DERA: variants seen among roughly 807,000 people sequenced by gnomAD.
The protein encoded by DERA is 2-deoxy-D-ribose 5-phosphate aldolase.
In DERA, 15 loss-of-function variants were observed where a neutral mutation model predicts 41.1. The ratio of observed to expected loss-of-function variants is 0.37; its 90% CI spans 0.24 to 0.56. The LOEUF is 0.56. DERA is among the 20% of genes least tolerant of loss of function. The pLI, the probability that DERA is intolerant of heterozygous loss-of-function variation, is 0.81. For synonymous variants in DERA, 139 were observed against 137.4 expected, an observed-to-expected ratio of 1.01 and a Z score of -0.08; for missense variants, 396 against 403.4, an observed-to-expected ratio of 0.98 and a Z score of 0.16.
rs1948695136 is a variant in DERA at position 15,976,109 on chromosome 12, C to T, written c.509-6199C>T. On this transcript the variant is annotated intron_variant, in intron 5 of 8. Transcript: ENST00000428559. This position sits in a 1 kb window ranked among gnomAD's most constrained non-coding sequence, Gnocchi z 4.1. ...ATCTGTCTTAGAACTTACAACTTCACACTATAACCTCTATTACACTCCAGC... is the reference window on the plus strand; with the variant it reads ...ATCTGTCTTAGAACTTACAACTTCATACTATAACCTCTATTACACTCCAGC... 6.6e-6 allele frequency among the ~76,000 whole-genome samples: 1 copy of T among 152,158 alleles called. No homozygotes were observed. The highest frequency in any genetic ancestry group is 1.5e-5 in the Non-Finnish European group (1 of 68,028).
Position 15,982,147 on chromosome 12 carries a change from A to G in DERA, c.509-161A>G, listed in dbSNP as rs1565604322. Among the ~76,000 whole-genome samples the G allele has an allele frequency of 6.6e-6, 1 of 152,246 alleles. No individual in the cohort carries two copies. Among genetic ancestry groups the G allele is most frequent in the Non-Finnish European group, 1.5e-5 (1 of 68,050 alleles). ...TTCCTTGTAACAGGATGTGAACTGC[A>G]ACAGAATGCTCCAGGCAATGTTAAA... is the stretch of plus-strand genomic sequence containing the variant. On this transcript the variant is annotated intron_variant, in intron 5 of 8. Transcript: ENST00000428559. The surrounding 1 kb of genome is among the most constrained non-coding windows in gnomAD (Gnocchi z 4.0).
rs1948968769 is a variant in DERA at position 16,014,694 on chromosome 12, T to A, written c.638-17848T>A. Among the ~76,000 whole-genome samples the A allele has an allele frequency of 6.6e-6, 1 of 152,172 alleles. No homozygotes were observed. Among genetic ancestry groups the A allele is most frequent in the Non-Finnish European group, 1.5e-5 (1 of 68,022 alleles). ...CCACTGGGGCACTGCCTAGTGGAGC[T>A]GTGAGAAGAGGGCAACCGTCCTCCA... is the stretch of plus-strand genomic sequence containing the variant. On this transcript the variant is annotated intron_variant, in intron 6 of 8. Transcript: ENST00000428559. This position sits in a 1 kb window ranked among gnomAD's most constrained non-coding sequence, Gnocchi z 5.4.
rs1948742919 is a variant in DERA at position 15,983,023 on chromosome 12, C to T, written c.637+587C>T. 6.6e-6 allele frequency among the ~76,000 whole-genome samples: 1 copy of T among 152,116 alleles called. No homozygotes were observed. Among genetic ancestry groups the T allele is most frequent in the African/African-American group, 2.4e-5 (1 of 41,416 alleles). ...ACCTCACATAAATCAGTGAAGAAGC[C>T]TTGAGAGTTCTCTCTAGACCTCTTT... On this transcript the variant is annotated intron_variant, in intron 6 of 8. Coordinates refer to ENST00000428559, the MANE Select transcript of DERA (RefSeq NM_015954.4). The surrounding 1 kb of genome is among the most constrained non-coding windows in gnomAD (Gnocchi z 6.2).
chr12:15,937,459 A>G lies in DERA; in HGVS notation c.32-19477A>G, dbSNP rs116763798. On this transcript the variant is annotated intron_variant, in intron 1 of 8. Coordinates refer to ENST00000428559, the MANE Select transcript of DERA (RefSeq NM_015954.4). ...GATTATAGCCACATCCGCCAGTAGT[A>G]TAGTTCCAGTTTCCCGCTTTGACCT... is the stretch of plus-strand genomic sequence containing the variant. Among the ~76,000 whole-genome samples the G allele has an allele frequency of 3.0e-3, 454 of 152,328 alleles. 2 individuals carry two copies. The highest frequency in any genetic ancestry group is 0.01 in the African/African-American group (433 of 41,566).
chr12:15,938,697 G>C lies in DERA; in HGVS notation c.32-18239G>C, dbSNP rs1389091661. Among the ~76,000 whole-genome samples, 3 of 152,126 alleles carry C rather than the reference G, an allele frequency of 2.0e-5. No individual in the cohort carries two copies. The highest frequency in any genetic ancestry group is 4.8e-5 in the African/African-American group (2 of 41,434). On this transcript the variant is annotated intron_variant, in intron 1 of 8. Coordinates refer to ENST00000428559, the MANE Select transcript of DERA (RefSeq NM_015954.4). The surrounding 1 kb of genome is among the most constrained non-coding windows in gnomAD (Gnocchi z 4.1). ...TCAATTCACATTTTTTAATTGAAAT[G>C]TGTAAATATTTTACCAGAAATGTTT...
At position 15,911,365 on chromosome 12, in the gene DERA, C is replaced by G. The variant is rs1002273331; in HGVS notation, c.-19C>G. On this transcript the variant is annotated 5_prime_UTR_variant, in exon 1 of 9. Coordinates refer to ENST00000428559, the MANE Select transcript of DERA (RefSeq NM_015954.4). The surrounding 1 kb of genome is among the most constrained non-coding windows in gnomAD (Gnocchi z 4.5). ...GAGGCGGGCGCCTACCAGCCGGCAG[C>G]TCCGGAGCTGCCCGCGCCATGTCCG... is the stretch of plus-strand genomic sequence containing the variant. 3.0e-5 allele frequency: 43 copies of G among 1,418,402 alleles called. No individual in the cohort carries two copies. The highest frequency in any genetic ancestry group is 3.7e-5 in the Non-Finnish European group (41 of 1,098,436). 87.9% of individuals were successfully genotyped at this position (1,418,402 alleles called of 1,614,324 possible).
rs143874425 is a variant in DERA, at chr12:15,959,131, G to A, written c.278-698G>A. Among the ~76,000 whole-genome samples the A allele has an allele frequency of 1.6e-3, 243 of 152,140 alleles. 2 individuals carry two copies. Among genetic ancestry groups the A allele is most frequent in the Middle Eastern group, 0.014 (4 of 294 alleles). The stretch of plus-strand genomic sequence containing the variant: ...CCAAATAAACACGTTTAGGTTTGTA[G>A]GTAACATACAAACCTAAACAACTCT... On this transcript the variant is annotated intron_variant, in intron 3 of 8. Transcript: ENST00000428559. The surrounding 1 kb of genome is among the most constrained non-coding windows in gnomAD (Gnocchi z 4.5).
rs1173103540 is a variant in DERA, at chr12:15,984,823, T to C, written c.637+2387T>C. Among the ~76,000 whole-genome samples the C allele has an allele frequency of 6.6e-6, 1 of 152,252 alleles. No individual in the cohort carries two copies. The highest frequency in any genetic ancestry group is 1.5e-5 in the Non-Finnish European group (1 of 68,044). On this transcript the variant is annotated intron_variant, in intron 6 of 8. Transcript: ENST00000428559. The surrounding 1 kb of genome is among the most constrained non-coding windows in gnomAD (Gnocchi z 4.5). ...AAGAAGGTATATAATAGAATTGAAG[T>C]ATTCTTTGATGAACTTGAAATATTT...
In DERA at chr12:15,990,593, TCCTCCTTCCAC is replaced by T. The variant is rs1050393456; in HGVS notation, c.637+8163_637+8173del. 1.3e-4 allele frequency among the ~76,000 whole-genome samples: 20 copies of T among 152,126 alleles called. No homozygotes were observed. The highest frequency in any genetic ancestry group is 4.8e-4 in the African/African-American group (20 of 41,426). On this transcript the variant is annotated intron_variant, in intron 6 of 8. Transcript: ENST00000428559. The surrounding 1 kb of genome is among the most constrained non-coding windows in gnomAD (Gnocchi z 4.3). The stretch of plus-strand genomic sequence containing the variant: ...CATTTGTCGTTTTTTCTGATCCTCT[TCCTCCTTCCAC>T]CCTCCAAACTCCAAAAGACCCCAGT...
rs759200334 is a variant in DERA, at chr12:15,940,573, G to T, written c.32-16363G>T. 3.9e-4 allele frequency among the ~76,000 whole-genome samples: 59 copies of T among 152,108 alleles called. No homozygotes were observed. The highest frequency in any genetic ancestry group is 7.9e-4 in the Non-Finnish European group (54 of 68,022). ...TCACCATGTTAGCCAAGATGGTCTT[G>T]ATCTCCTGACCTCGTGATCTGCCCT... On this transcript the variant is annotated intron_variant, in intron 1 of 8. Transcript: ENST00000428559. The surrounding 1 kb of genome is among the most constrained non-coding windows in gnomAD (Gnocchi z 5.1).
chr12:15,911,388 C>T lies in DERA; in HGVS notation c.5C>T (p.Ser2Phe). The T allele has an allele frequency of 3.6e-6, 5 of 1,406,116 alleles. No homozygotes were observed. Among genetic ancestry groups the T allele is most frequent in the African/African-American group, 3.0e-5 (2 of 65,910 alleles). The allele number at this position is 1,406,116 out of a possible 1,614,324, so 87.1% of individuals were successfully genotyped here. A position where few individuals can be genotyped will look rare whatever the true frequency, so the allele number is the denominator to read the frequency against. Residue 2 changes from serine (S) to phenylalanine (F), a missense_variant, in exon 1 of 9, where the codon TCC (serine) becomes TTC (phenylalanine). Transcript: ENST00000428559. The surrounding 1 kb of genome is among the most constrained non-coding windows in gnomAD (Gnocchi z 4.5). ...AGCTCCGGAGCTGCCCGCGCCATGT[C>T]CGCGCACAATCGGGGCACCGAGCTC... M[S>F]AHNRGTELDL...
At chr12:15,977,505 T>C (rs1331640629) in intron 5 of DERA, among the ~76,000 whole-genome samples, 5 of 152,222 alleles carry the variant, frequency 3.3e-5, no homozygotes, top group Admixed American at 2.0e-4. Flanking sequence ...TAGGCTGGAG[T>C]GCAATGGCGC....
chr12:16,010,171 G>A lies in DERA; in HGVS notation c.638-22371G>A, dbSNP rs6488811. Among the ~76,000 whole-genome samples the A allele has an allele frequency of 0.013, 1,970 of 152,286 alleles. 15 individuals are homozygous for A. Among genetic ancestry groups the A allele is most frequent in the Non-Finnish European group, 0.021 (1,455 of 68,020 alleles). On this transcript the variant is annotated intron_variant, in intron 6 of 8. Transcript: ENST00000428559. This position sits in a 1 kb window ranked among gnomAD's most constrained non-coding sequence, Gnocchi z 5.5. ...GTGAGCATATATATTCGTGGGCAAGGCAGTGCCTTGAAAACAAGTGTGTGG... is the reference window on the plus strand; with the variant it reads ...GTGAGCATATATATTCGTGGGCAAGACAGTGCCTTGAAAACAAGTGTGTGG...
rs888487144 is a variant in DERA at position 16,011,985 on chromosome 12, T to C, written c.638-20557T>C. Among the ~76,000 whole-genome samples, 1 of 150,892 alleles carries C rather than the reference T, an allele frequency of 6.6e-6. No individual in the cohort carries two copies. Among genetic ancestry groups the C allele is most frequent in the African/African-American group, 2.5e-5 (1 of 40,216 alleles). Reference sequence around the variant, plus strand: ...GATAGAGACAGATAAAGAATTTTTCTAAATTAGGCAATCAAACCAAGAAAA... The same window carrying C: ...GATAGAGACAGATAAAGAATTTTTCCAAATTAGGCAATCAAACCAAGAAAA... On this transcript the variant is annotated intron_variant, in intron 6 of 8. Transcript: ENST00000428559. This position sits in a 1 kb window ranked among gnomAD's most constrained non-coding sequence, Gnocchi z 4.7.
Position 15,995,759 on chromosome 12 carries a change from A to G in DERA, c.637+13323A>G, listed in dbSNP as rs941268340. On this transcript the variant is annotated intron_variant, in intron 6 of 8. Coordinates refer to ENST00000428559, the MANE Select transcript of DERA (RefSeq NM_015954.4). The surrounding 1 kb of genome is among the most constrained non-coding windows in gnomAD (Gnocchi z 5.1). ...GAGATAAATTGAACCCTTCTCATGA[A>G]GAGTGGTTGGAAAGAAAGTGGACAT... 6.6e-6 allele frequency among the ~76,000 whole-genome samples: 1 copy of G among 152,194 alleles called. No individual in the cohort carries two copies. Among genetic ancestry groups the G allele is most frequent in the Non-Finnish European group, 1.5e-5 (1 of 68,038 alleles).
intron 4 of DERA, among the ~76,000 whole-genome samples, chr12:15,961,324 G>A (rs1477066578): frequency 6.6e-6 from 1 of 152,162 alleles, no homozygotes; most frequent in Non-Finnish European, 1.5e-5. Context: ...TGAATAGACA[G>A]ATATAAAATT....
rs1260799433 is a variant in DERA at position 15,993,458 on chromosome 12, T to C, written c.637+11022T>C. Among the ~76,000 whole-genome samples the C allele has an allele frequency of 1.3e-5, 2 of 151,410 alleles. No homozygotes were observed. The highest frequency in any genetic ancestry group is 2.9e-5 in the Non-Finnish European group (2 of 67,888). ...GGAGTATTGATCCAGATGGCACATC[T>C]AGACTCCTGTGGTGTTGTGGCCTTT... On this transcript the variant is annotated intron_variant, in intron 6 of 8. Coordinates refer to ENST00000428559, the MANE Select transcript of DERA (RefSeq NM_015954.4). The surrounding 1 kb of genome is among the most constrained non-coding windows in gnomAD (Gnocchi z 4.4).
intron 5 of DERA, 31 bp downstream of exon 5, chr12:15,962,978 C>G (rs748917321): frequency 1.3e-6 from 2 of 1,591,458 alleles, no homozygotes; most frequent in Admixed American, 3.5e-5. Context: ...AAGAGAGTTT[C>G]ACCATTCTTC....
rs1948650607 is a variant in DERA, at chr12:15,970,198, T to C, written c.508+7251T>C. 6.6e-6 allele frequency among the ~76,000 whole-genome samples: 1 copy of C among 152,204 alleles called. No individual in the cohort carries two copies. Among genetic ancestry groups the C allele is most frequent in the African/African-American group, 2.4e-5 (1 of 41,450 alleles). ...TGTTTTACTGTACATATAATTATCT[T>C]AAGAGTTATTTTCAGGCCATTCTTG... On this transcript the variant is annotated intron_variant, in intron 5 of 8. Coordinates refer to ENST00000428559, the MANE Select transcript of DERA (RefSeq NM_015954.4). The surrounding 1 kb of genome is among the most constrained non-coding windows in gnomAD (Gnocchi z 4.3).
Sources: allele counts gnomAD v4.1 joint callset (sites outside exome capture counted in the v4.1 genomes callset), GRCh38; gene constraint gnomAD v4.1.1; non-coding constraint Gnocchi (gnomAD v3.1); transcripts MANE v1.5; gene names NCBI Gene and HGNC (gene_info 2026-07-23, HGNC 2026-07-21).